KCNT1: variants seen among roughly 807,000 people sequenced by gnomAD.
The protein encoded by KCNT1 is potassium sodium-activated channel subfamily T member 1.
In KCNT1, 78 loss-of-function variants were observed where a neutral mutation model predicts 147.8. The ratio of observed to expected loss-of-function variants is 0.53; its 90% confidence interval spans 0.44 to 0.64. The LOEUF (loss-of-function observed/expected upper bound fraction) is 0.64. KCNT1 is among the 30% of genes least tolerant of loss of function. KCNT1 has a pLI of 0.00. For missense variants in KCNT1, 1,419 were observed against 1,750.3 expected, an observed-to-expected ratio of 0.81 and a Z score of 3.38; for synonymous variants, 867 against 748.8, an observed-to-expected ratio of 1.16 and a Z score of -2.58.
At chr9:135,732,024 A>AGAGAGAGGGAGAGAGG (rs1554766189) in intron 2 of KCNT1, among the ~76,000 whole-genome samples, 1 of 65,082 alleles carries the variant, frequency 1.5e-5, no homozygotes, top group Non-Finnish European at 3.2e-5. Context: ...AGAGAGAGAG[A>AGAGAGAGGGAGAGAGG]GAGAGAGAGA....
chr9:135,763,542 T>C (rs969458987), intron 11 of KCNT1, among the ~76,000 whole-genome samples: 1 of 152,036 alleles, frequency 6.6e-6, no homozygotes, highest in African/African-American at 2.4e-5. Context: ...GCTGACCCTA[T>C]CAGGCCGCTT....
At chr9:135,784,668 T>G (rs774785176) in intron 26 of KCNT1, 50 bp downstream of exon 26, 17 of 1,609,560 alleles carry the variant, frequency 1.1e-5, no homozygotes, top group African/African-American at 1.3e-5. Context: ...GCTGTCCAAG[T>G]GGGTGGATGG....
At chr9:135,781,320 A>G (rs1833594414) in intron 24 of KCNT1, among the ~76,000 whole-genome samples, 1 of 152,194 alleles carries the variant, frequency 6.6e-6, no homozygotes, top group African/African-American at 2.4e-5. Flanking sequence ...GGGCAGGGCC[A>G]GGCATATACA....
intron 2 of KCNT1, among the ~76,000 whole-genome samples, chr9:135,747,989 T>C (rs939333343): frequency 2.2e-4 from 33 of 152,134 alleles, no homozygotes; most frequent in Non-Finnish European, 3.5e-4. Context: ...TCACCTAGGC[T>C]AGGGTGCAGT....
Position 135,768,460 on chromosome 9 carries a change from C to T in KCNT1, c.1338-150C>T, listed in dbSNP as rs371812844. 54 of 613,870 alleles carry T rather than the reference C, an allele frequency of 8.8e-5. No homozygotes were observed. In the East Asian group the frequency reaches 1.4e-3, roughly 16 times the overall value. 38.0% of individuals were successfully genotyped at this position (613,870 alleles called of 1,614,324 possible). On this transcript the variant is annotated intron_variant, in intron 13 of 30. Transcript: ENST00000371757. ...CCTCCCCGCCTTCCATCCTCTCCGC[C>T]TTCCATCCAGCCGTCCTCTCAGTCT... is the stretch of plus-strand genomic sequence containing the variant.
Position 135,786,455 on chromosome 9 carries a change from C to G in KCNT1, c.3436C>G (p.Arg1146Gly). The G allele has an allele frequency of 6.2e-7, 1 of 1,600,364 alleles. No individual in the cohort carries two copies. Among genetic ancestry groups the G allele is most frequent in the Non-Finnish European group, 8.5e-7 (1 of 1,174,826 alleles). The change falls in exon 29 of 31, where the codon CGC becomes GGC. Residue 1146 changes from arginine to glycine, a missense_variant. Physicochemically the swap from Arg to Gly is moderately radical, Grantham distance 125 (BLOSUM62 -2). Coordinates refer to ENST00000371757, the MANE Select transcript of KCNT1 (RefSeq NM_020822.3). Reference protein sequence around the residue: ...QRLSLYRRSERQELSELVKNR... With the variant: ...QRLSLYRRSEGQELSELVKNR... Reference sequence around the variant, plus strand: ...CCTCAGCCTGTACCGGCGCTCTGAGCGCCAGGAGCTCTCCGAGCTGGTGAA... The same window carrying G: ...CCTCAGCCTGTACCGGCGCTCTGAGGGCCAGGAGCTCTCCGAGCTGGTGAA...
At chr9:135,732,308 C>T (rs11103151) in intron 2 of KCNT1, among the ~76,000 whole-genome samples, 26 of 151,962 alleles carry the variant, frequency 1.7e-4, no homozygotes, top group Middle Eastern at 3.4e-3. Flanking sequence ...CATGAGCCAC[C>T]GCAACTGGCT....
chr9:135,741,131 C>T lies in KCNT1; in HGVS notation c.255-8967C>T, dbSNP rs534591008. The stretch of plus-strand genomic sequence containing the variant: ...AATCAGTGGGGACGGCTGTCCTGGG[C>T]CTCAGGCTGTGGGACATCTGACAGG... On this transcript the variant is annotated intron_variant, in intron 2 of 30. Coordinates refer to ENST00000371757, the MANE Select transcript of KCNT1 (RefSeq NM_020822.3). 9.9e-4 allele frequency among the ~76,000 whole-genome samples: 151 copies of T among 152,328 alleles called. 1 individual carries two copies. In the Middle Eastern group the frequency reaches 0.037, roughly 38 times the overall value.
At chr9:135,755,473 A>T (rs1470599248) in intron 6 of KCNT1, among the ~76,000 whole-genome samples, 1 of 149,668 alleles carries the variant, frequency 6.7e-6, no homozygotes, top group African/African-American at 2.5e-5. Flanking sequence ...GTAAATGCTG[A>T]GGACAAACCC....
chr9:135,778,816 T>A lies in KCNT1; in HGVS notation c.2723T>A (p.Met908Lys). The A allele has an allele frequency of 6.2e-7, 1 of 1,613,650 alleles. No homozygotes were observed. The highest frequency in any genetic ancestry group is 8.5e-7 in the Non-Finnish European group (1 of 1,179,864). Residue 908 changes from methionine (M) to lysine (K), a missense_variant, in exon 23 of 31, where the codon ATG (methionine) becomes AAG (lysine). By Grantham distance (95) the Met-to-Lys change is moderately conservative. Around this residue, in one of 5 missense-constraint regions of KCNT1, gnomAD observed 247 missense variants for 397.1 expected, o/e 0.62. Transcript: ENST00000371757. ...AAGACCATCGTCAACGTGCAGACCA[T>A]GTTCCGGTGCGTCCAGTGTCCGGGG... ...DAKTIVNVQT[M>K]FRLFPSLSIT...
chr9:135,721,734 T>C (rs1298175141), intron 2 of KCNT1, among the ~76,000 whole-genome samples: 3 of 152,184 alleles, frequency 2.0e-5, no homozygotes, highest in East Asian at 3.9e-4. Flanking sequence ...GTGAAATGCA[T>C]GTCATGATTT....
At chr9:135,731,149 C>T in intron 2 of KCNT1, among the ~76,000 whole-genome samples, 1 of 152,122 alleles carries the variant, frequency 6.6e-6, no homozygotes, top group Non-Finnish European at 1.5e-5. Context: ...CCACTGGCTT[C>T]CGTACCCTTG....
At chr9:135,737,608 CGG>C (rs1054376796) in intron 2 of KCNT1, among the ~76,000 whole-genome samples, 59 of 152,256 alleles carry the variant, frequency 3.9e-4, no homozygotes, top group African/African-American at 1.3e-3. Flanking sequence ...CTGGTCCTTC[CGG>C]GACAAGCATG....
intron 5 of KCNT1, among the ~76,000 whole-genome samples, chr9:135,754,655 G>A (rs917967734): frequency 1.3e-5 from 2 of 152,214 alleles, no homozygotes; most frequent in African/African-American, 4.8e-5. Flanking sequence ...GAGACTCGGG[G>A]AAACCCAGGG....
At chr9:135,745,055 A>T (rs1830754143) in intron 2 of KCNT1, among the ~76,000 whole-genome samples, 1 of 152,188 alleles carries the variant, frequency 6.6e-6, no homozygotes, top group Non-Finnish European at 1.5e-5. Flanking sequence ...GGATCCGGGA[A>T]TGCAGCACCC....
Position 135,771,062 on chromosome 9 carries a change from C to T in KCNT1, c.1975C>T (p.Arg659Cys), listed in dbSNP as rs753599140. ...SGQGLHEGPA[R>C]LPVHSIIASM... The stretch of plus-strand genomic sequence containing the variant: ...GCAGGGGCTGCACGAGGGTCCGGCC[C>T]GCCTGCCCGTGCACAGCATCATCGC... Residue 659 changes from arginine to cysteine, a missense_variant, in exon 18 of 31, where the codon CGC (arginine) becomes TGC (cysteine). Physicochemically the swap from Arg to Cys is radical, Grantham distance 180. Coordinates refer to ENST00000371757, the MANE Select transcript of KCNT1 (RefSeq NM_020822.3). 3.0e-5 allele frequency: 48 copies of T among 1,611,688 alleles called. 1 individual carries two copies. The South Asian group carries it at 3.4e-4, about 11-fold the overall frequency.
Position 135,769,818 on chromosome 9 carries a change from C to T in KCNT1, c.1511-129C>T, listed in dbSNP as rs142985944. 809 of 665,760 alleles carry T rather than the reference C, an allele frequency of 1.2e-3. 17 individuals are homozygous for T. Among genetic ancestry groups the T allele is most frequent in the South Asian group, 0.011 (636 of 55,866 alleles). The allele number at this position is 665,760 out of a possible 1,614,324, so 41.2% of individuals were successfully genotyped here. ...ACTCTCGGGGCAGAGATGCTGAAGC[C>T]GGACAGCAGACACGGGGGTGCCAGG... On this transcript the variant is annotated intron_variant, in intron 15 of 30. Coordinates refer to ENST00000371757, the MANE Select transcript of KCNT1 (RefSeq NM_020822.3).
chr9:135,712,471 C>T (rs997491408), intron 1 of KCNT1, among the ~76,000 whole-genome samples: 7 of 152,046 alleles, frequency 4.6e-5, no homozygotes, highest in Non-Finnish European at 7.4e-5. Context: ...CCCCAGGGTC[C>T]CCGTGTCTGG....
At chr9:135,771,343 C>T (rs1211122709) in intron 18 of KCNT1, among the ~76,000 whole-genome samples, 1 of 152,226 alleles carries the variant, frequency 6.6e-6, no homozygotes, top group East Asian at 1.9e-4. Flanking sequence ...ATGTGGCCCC[C>T]AGACCCAGTT....
Sources: gnomAD v4.1 joint callset for allele counts (sites outside exome capture counted in the v4.1 genomes callset) on GRCh38, gnomAD v4.1.1 for gene constraint, gnomAD v4.1.1 regional missense constraint, MANE v1.5 for transcripts, NCBI Gene and HGNC (gene_info 2026-07-23, HGNC 2026-07-21) for gene names.